The following HERC1 variants were observed in gnomAD, a reference collection of about 807,000 sequenced individuals.
The protein encoded by HERC1 is probable E3 ubiquitin-protein ligase HERC1.
A neutral mutation model predicts 554.3 loss-of-function variants in HERC1; 160 were observed. The observed-to-expected ratio is 0.29, with a 90% CI of 0.25 to 0.33. The LOEUF is 0.33. Among genes scored for constraint, HERC1 ranks in the 10% least tolerant of loss-of-function variants. The pLI is 1.00. For synonymous variants in HERC1, 2,175 were observed against 2,131.7 expected, an observed-to-expected ratio of 1.02 and a Z score of -0.56; for missense variants, 4,919 against 5,918.5, an observed-to-expected ratio of 0.83 and a Z score of 5.54.
At position 63,677,866 on chromosome 15, in the gene HERC1, T is replaced by C; in HGVS notation, c.7049A>G (p.Asp2350Gly). 6.2e-7 allele frequency: 1 copy of C among 1,613,720 alleles called. No homozygotes were observed. Among genetic ancestry groups the C allele is most frequent in the Non-Finnish European group, 8.5e-7 (1 of 1,179,730 alleles). The change falls in exon 37 of 78, where the codon GAT (aspartate) becomes GGT (glycine). Residue 2350 changes from aspartate (D) to glycine (G), a missense_variant. Coordinates refer to ENST00000443617, the MANE Select transcript of HERC1 (RefSeq NM_003922.4). The surrounding 1 kb of genome is among the most constrained non-coding windows in gnomAD (Gnocchi z 4.4). ...ATACCTGATAGTAATTTCTGCTTCA[T>C]CCCATTGGACCTTGGCAGACGTGCT... The part of the protein sequence containing the change: ...EGSTSAKVQW[D>G]EAEITISFPT...
rs1401260568 is a variant in HERC1, at chr15:63,764,082, C to T, written c.1026+14G>A. 3.3e-5 allele frequency: 52 copies of T among 1,559,520 alleles called. No homozygotes were observed. Among genetic ancestry groups the T allele is most frequent in the East Asian group, 9.1e-5 (4 of 44,134 alleles). On this transcript the variant is annotated intron_variant, in intron 3 of 77. Transcript: ENST00000443617. ...CACAAAGTTGTTAATACAAAAGCCA[C>T]GATTATTACGTACCTCTTCAAAGAG... is the stretch of plus-strand genomic sequence containing the variant.
intron 1 of HERC1, among the ~76,000 whole-genome samples, chr15:63,826,814 AATATATATATATATATAT>A (rs1555454978): frequency 9.0e-5 from 2 of 22,240 alleles, no homozygotes; most frequent in East Asian, 3.4e-3. Context: ...AAAAAAAAAA[AATATATATATATATATAT>A]ATATATATAT....
intron 60 of HERC1, 65 bp from the exon 61 acceptor site, chr15:63,640,510 C>T (rs2068989736): frequency 7.8e-7 from 1 of 1,286,024 alleles, no homozygotes; most frequent in African/African-American, 1.5e-5. Context: ...AATTAACCTA[C>T]CGTAGTCTGA....
At chr15:63,623,004 A>C (rs2152762717) in intron 73 of HERC1, 113 bp from the exon 74 acceptor site, 1 of 623,146 alleles carries the variant, frequency 1.6e-6, no homozygotes, top group East Asian at 3.1e-5. Context: ...TTATAATGCC[A>C]TGTGACAACC....
chr15:63,624,773 A>G lies in HERC1; in HGVS notation c.13276-446T>C, dbSNP rs78079961. 7.0e-3 allele frequency among the ~76,000 whole-genome samples: 1,062 copies of G among 152,342 alleles called. 14 individuals carry two copies. Among genetic ancestry groups the G allele is most frequent in the African/African-American group, 0.025 (1,024 of 41,582 alleles). ...TAAGAGCATAAACTCAGGATTAGGA[A>G]CTATTAGTAACCTTTAAATTTTTCT... On this transcript the variant is annotated intron_variant, in intron 71 of 77. Coordinates refer to ENST00000443617, the MANE Select transcript of HERC1 (RefSeq NM_003922.4).
At chr15:63,666,210 A>T in intron 41 of HERC1, 60 bp from the exon 42 acceptor site, 2 of 1,462,640 alleles carry the variant, frequency 1.4e-6, no homozygotes. Context: ...TCTTTATGTT[A>T]TAAGAGTGTT....
intron 24 of HERC1, among the ~76,000 whole-genome samples, chr15:63,709,329 G>GA: frequency 6.6e-6 from 1 of 151,176 alleles, no homozygotes; most frequent in East Asian, 1.9e-4. Context: ...TTAAAAATGG[G>GA]TTTTTTTTTA....
At position 63,775,231 on chromosome 15, in the gene HERC1, C is replaced by G. The variant is rs1311108285; in HGVS notation, c.393G>C (p.Gln131His). The change falls in exon 2 of 78, where the codon CAG (glutamine) becomes CAC (histidine). Residue 131 changes from glutamine to histidine, a missense_variant. Transcript: ENST00000443617. This position sits in a 1 kb window ranked among gnomAD's most constrained non-coding sequence, Gnocchi z 4.0. ...YHDKGKVKQQ[Q>H]HSPESSSGSA... Reference sequence around the variant, plus strand: ...AACCAGAACTGCTCTCCGGAGAATGCTGCTGCTGCTTCACCTTGCCTTTGT... The same window carrying G: ...AACCAGAACTGCTCTCCGGAGAATGGTGCTGCTGCTTCACCTTGCCTTTGT... The G allele has an allele frequency of 6.2e-7, 1 of 1,613,998 alleles. No individual in the cohort carries two copies. The highest frequency in any genetic ancestry group is 1.1e-5 in the South Asian group (1 of 91,074).
intron 64 of HERC1, 131 bp from the exon 65 acceptor site, chr15:63,636,273 G>GTTTTTT: frequency 9.5e-6 from 5 of 523,696 alleles, no homozygotes; most frequent in Non-Finnish European, 9.4e-6. Flanking sequence ...AATTTCATTA[G>GTTTTTT]TTTTTTTTTT....
chr15:63,645,565 G>A lies in HERC1; in HGVS notation c.10996C>T (p.Leu3666Phe), dbSNP rs370911755. The change falls in exon 56 of 78, where the codon CTC becomes TTC. Residue 3666 changes from leucine to phenylalanine, a missense_variant. Around this residue, in one of 11 missense-constraint regions of HERC1, gnomAD observed 1,963 missense variants for 2,228.6 expected, o/e 0.88. Coordinates refer to ENST00000443617, the MANE Select transcript of HERC1 (RefSeq NM_003922.4). ...ISGCWCCLHSLCHPSIVNGIA... is the reference protein window; with the variant it reads ...ISGCWCCLHSFCHPSIVNGIA... ...CCATTTACAATAGATGGATGGCAGA[G>A]TGAATGTAGACAGCACCAGCATCCC... 2 of 1,613,664 alleles carry A rather than the reference G, an allele frequency of 1.2e-6. No homozygotes were observed. Among genetic ancestry groups the A allele is most frequent in the Non-Finnish European group, 1.7e-6 (2 of 1,179,754 alleles).
intron 50 of HERC1, 121 bp from the exon 51 acceptor site, chr15:63,654,445 C>A: frequency 2.9e-6 from 2 of 695,244 alleles, no homozygotes; most frequent in South Asian, 1.9e-5. Flanking sequence ...ATGGGTTAAC[C>A]CATATCTTTT....
At chr15:63,660,602 G>A (rs561049495) in intron 46 of HERC1, among the ~76,000 whole-genome samples, 49 of 152,186 alleles carry the variant, frequency 3.2e-4, no homozygotes, top group Admixed American at 6.5e-4. Context: ...AATCATTAGG[G>A]AATGAGTTAT....
rs116967176 is a variant in HERC1 at position 63,774,787 on chromosome 15, G to A, written c.837C>T (p.His279=). The change falls in exon 2 of 78, where the codon CAC becomes CAT. Residue 279 remains histidine (H), a synonymous_variant. Transcript: ENST00000443617. ...AGAGTAGTTTGCCTTTCTCCATGGT[G>A]TGTACAACTGCCGAAGCCCCCAAAG... The part of the protein sequence containing the change: ...EMALGASAVV[H]TMEKGKLLSS... The A allele has an allele frequency of 9.1e-3, 14,682 of 1,613,978 alleles. 312 individuals are homozygous for A. Among genetic ancestry groups the A allele is most frequent in the South Asian group, 0.069 (6,318 of 91,076 alleles).
rs752737460 is a variant in HERC1, at chr15:63,669,551, T to G, written c.8193A>C (p.Pro2731=). Residue 2731 remains proline, a synonymous_variant, in exon 40 of 78, where the codon CCA becomes CCC. Transcript: ENST00000443617. The stretch of plus-strand genomic sequence containing the variant: ...CAGCACACGCACCTGTGCGGTTAGC[T>G]GGCCTTGCTGACTGGGAATCAGGAG... ...LTSPDSQSAR[P]ANRTALSDPS... 1 of 1,613,688 alleles carries G rather than the reference T, an allele frequency of 6.2e-7. No individual in the cohort carries two copies. The highest frequency in any genetic ancestry group is 1.3e-5 in the African/African-American group (1 of 74,936).
At chr15:63,788,778 G>A (rs138574651) in intron 1 of HERC1, among the ~76,000 whole-genome samples, 4,457 of 151,040 alleles carry the variant, frequency 0.03, 84 homozygotes, top group African/African-American at 0.061. Flanking sequence ...TTAGCTGGGC[G>A]TGGTGGCAAG....
intron 76 of HERC1, among the ~76,000 whole-genome samples, chr15:63,613,641 C>T (rs1208191371): frequency 6.6e-6 from 1 of 151,578 alleles, no homozygotes; most frequent in African/African-American, 2.4e-5. Context: ...GTGTTGTACA[C>T]CTTAAATATA....
At chr15:63,712,639 GTTAT>G in intron 24 of HERC1, 132 bp downstream of exon 24, 1 of 639,162 alleles carries the variant, frequency 1.6e-6, no homozygotes, top group Non-Finnish European at 2.6e-6. Flanking sequence ...ATGCAATATA[GTTAT>G]TTCTCTTAAA....
chr15:63,678,077 T>A lies in HERC1; in HGVS notation c.6838A>T (p.Lys2280Ter). Residue 2280 changes from lysine to a stop codon, truncating the protein, a stop_gained, in exon 37 of 78, where the codon AAA becomes TAA. Transcript: ENST00000443617. LOFTEE classifies it high-confidence loss of function. Reference protein sequence around the residue: ...REEKESKEEEKGKHTRHGLAD... With the variant: ...REEKESKEEE ...AGGCCATGCCTAGTATGTTTACCTT[T>A]CTCTTCCTCTTTGCTCTCCTTCTCC... 6.2e-7 allele frequency: 1 copy of A among 1,614,050 alleles called. No homozygotes were observed. Among genetic ancestry groups the A allele is most frequent in the Non-Finnish European group, 8.5e-7 (1 of 1,179,904 alleles).
chr15:63,621,851 A>T (rs1404178477), intron 74 of HERC1, among the ~76,000 whole-genome samples: 4 of 152,042 alleles, frequency 2.6e-5, no homozygotes, highest in Non-Finnish European at 5.9e-5. Context: ...CAGGTCCTTT[A>T]AGGACTTCTC....
Sources: gnomAD v4.1 joint callset for allele counts (sites outside exome capture counted in the v4.1 genomes callset) on GRCh38, gnomAD v4.1.1 for gene constraint, gnomAD v4.1.1 regional missense constraint, Gnocchi (gnomAD v3.1) non-coding constraint, MANE v1.5 for transcripts, NCBI Gene and HGNC (gene_info 2026-07-23, HGNC 2026-07-21) for gene names.